The following GPC5 variants were observed in gnomAD, a reference collection of about 807,000 sequenced individuals.
The protein encoded by GPC5 is glypican-5.
Under a neutral mutation model 53.9 loss-of-function variants are expected in GPC5, and 47 were observed. That is an observed-to-expected ratio of 0.87 (90% confidence interval 0.69 to 1.11). The LOEUF (loss-of-function observed/expected upper bound fraction) is 1.11. GPC5 is among the 50% of genes most tolerant of loss of function. The pLI is 0.00. For missense variants in GPC5, 748 were observed against 713.1 expected (o/e 1.05, Z -0.56); for synonymous variants, 286 against 263.3 (o/e 1.09, Z -0.84).
intron 6 of GPC5, among the ~76,000 whole-genome samples, chr13:92,069,019 T>G (rs1566421451): frequency 6.6e-6 from 1 of 151,994 alleles, no homozygotes; most frequent in Non-Finnish European, 1.5e-5. Flanking sequence ...GATCTTACAT[T>G]TAGGTTTTCA....
chr13:92,266,517 C>T (rs2042803523), intron 7 of GPC5, among the ~76,000 whole-genome samples: 2 of 152,070 alleles, frequency 1.3e-5, no homozygotes, highest in Admixed American at 1.3e-4. Flanking sequence ...TCGGAGAATT[C>T]ACTGCTGAGT....
intron 2 of GPC5, among the ~76,000 whole-genome samples, chr13:91,686,589 T>C (rs2035627515): frequency 6.6e-6 from 1 of 151,958 alleles, no homozygotes; most frequent in Admixed American, 6.6e-5. Flanking sequence ...TATTTAAAAA[T>C]ATATATCTTC....
chr13:92,536,462 C>T (rs1881725719), intron 7 of GPC5, among the ~76,000 whole-genome samples: 1 of 152,064 alleles, frequency 6.6e-6, no homozygotes. Context: ...GAGATAGGCC[C>T]TCTCACCTCT....
At chr13:91,719,136 T>C (rs1711911591) in intron 3 of GPC5, among the ~76,000 whole-genome samples, 1 of 152,260 alleles carries the variant, frequency 6.6e-6, no homozygotes, top group South Asian at 2.1e-4. Flanking sequence ...TATGTCTATT[T>C]TGCAAATGTC....
intron 7 of GPC5, among the ~76,000 whole-genome samples, chr13:92,503,966 T>G (rs1299744459): frequency 1.3e-5 from 2 of 151,930 alleles, no homozygotes; most frequent in Non-Finnish European, 2.9e-5. Flanking sequence ...TTACTTTGTT[T>G]TGAAGATTGT....
intron 7 of GPC5, among the ~76,000 whole-genome samples, chr13:92,382,517 A>T (rs568833454): frequency 6.6e-6 from 1 of 151,290 alleles, no homozygotes; most frequent in East Asian, 2.0e-4. Context: ...TGAAAAGAGC[A>T]TATTCTTGGG....
chr13:92,793,858 C>T (rs1178902508), intron 7 of GPC5, among the ~76,000 whole-genome samples: 1 of 152,120 alleles, frequency 6.6e-6, no homozygotes, highest in Non-Finnish European at 1.5e-5. Flanking sequence ...CCTGAATAGA[C>T]CAATAACAGG....
chr13:91,835,019 G>A (rs1475195323), intron 5 of GPC5, among the ~76,000 whole-genome samples: 3 of 152,128 alleles, frequency 2.0e-5, no homozygotes, highest in Non-Finnish European at 4.4e-5. Flanking sequence ...CTAATATCCA[G>A]AATCTACAAA....
intron 6 of GPC5, among the ~76,000 whole-genome samples, chr13:91,929,814 T>TA (rs34395417): frequency 0.61 from 92,185 of 151,228 alleles, 28,618 homozygotes; most frequent in East Asian, 0.73. Context: ...GATTTTCTAT[T>TA]TTTTTTTTAT....
chr13:92,853,771 A>G (rs1483669255), intron 7 of GPC5, among the ~76,000 whole-genome samples: 3 of 152,168 alleles, frequency 2.0e-5, no homozygotes, highest in Non-Finnish European at 4.4e-5. Flanking sequence ...AAAATGAAAT[A>G]ATTCAAGAAC....
intron 6 of GPC5, among the ~76,000 whole-genome samples, chr13:92,028,770 A>C (rs1368353450): frequency 6.6e-6 from 1 of 152,182 alleles, no homozygotes; most frequent in East Asian, 1.9e-4. Context: ...TGGGAAAAAC[A>C]GAGCAAAATT....
At chr13:92,862,626 CAGATAGATAGATAGAT>C (rs369002690) in intron 7 of GPC5, among the ~76,000 whole-genome samples, 64 of 129,656 alleles carry the variant, frequency 4.9e-4, no homozygotes, top group African/African-American at 4.5e-4. Context: ...GATAGATAGA[CAGATAGATAGATAGAT>C]AGATAGATAG....
In GPC5 at chr13:91,571,910, A is replaced by G. The variant is rs377571991; in HGVS notation, c.326-121277A>G. Among the ~76,000 whole-genome samples the G allele has an allele frequency of 5.7e-3, 431 of 75,416 alleles. 60 individuals are homozygous for G. The highest frequency in any genetic ancestry group is 0.015 in the Admixed American group (111 of 7,296). The allele number at this position is 75,416 out of a possible 152,430, so 49.5% of individuals were successfully genotyped here. ...ACGTGTGTATATACACATATTGTATATATACACATATTGTATATATACACA... is the reference window on the plus strand; with the variant it reads ...ACGTGTGTATATACACATATTGTATGTATACACATATTGTATATATACACA... On this transcript the variant is annotated intron_variant, in intron 2 of 7. Transcript: ENST00000377067.
At position 92,716,594 on chromosome 13, in the gene GPC5, A is replaced by T. The variant is rs2139279293; in HGVS notation, c.1562-149688A>T. 2.0e-5 allele frequency among the ~76,000 whole-genome samples: 3 copies of T among 152,194 alleles called. No homozygotes were observed. In the South Asian group the frequency reaches 6.2e-4, roughly 32 times the overall value. On this transcript the variant is annotated intron_variant, in intron 7 of 7. Transcript: ENST00000377067. ...CAGCATAGCTCTATCCTGGTGCTTT[A>T]TAGTATCTGGCACAATGTATGTCTA...
chr13:92,519,020 AAG>A (rs1449218726), intron 7 of GPC5, among the ~76,000 whole-genome samples: 3 of 152,220 alleles, frequency 2.0e-5, no homozygotes, highest in African/African-American at 7.2e-5. Context: ...CAAAGATCAA[AAG>A]AGATAAAGAA....
chr13:92,800,408 A>G (rs926668089), intron 7 of GPC5, among the ~76,000 whole-genome samples: 6 of 151,828 alleles, frequency 4.0e-5, no homozygotes, highest in African/African-American at 1.4e-4. Flanking sequence ...CACTGCATTT[A>G]AGATGTTTAT....
intron 2 of GPC5, among the ~76,000 whole-genome samples, chr13:91,457,116 C>T (rs1041665922): frequency 3.3e-5 from 5 of 151,892 alleles, no homozygotes; most frequent in African/African-American, 1.2e-4. Context: ...TAAAATGTAT[C>T]TTGATGTATT....
At chr13:91,406,639 C>T (rs895442009) in intron 1 of GPC5, among the ~76,000 whole-genome samples, 2 of 152,198 alleles carry the variant, frequency 1.3e-5, no homozygotes. Flanking sequence ...AGTTCTCTGA[C>T]CCAGACACTT....
intron 5 of GPC5, among the ~76,000 whole-genome samples, chr13:91,813,920 ATTTTTTTTT>A (rs71113766): frequency 1.5e-4 from 11 of 72,640 alleles, no homozygotes; most frequent in Middle Eastern, 0.012. Flanking sequence ...ATCTTAACTG[ATTTTTTTTT>A]TTTTTTTTTT....
Sources: allele counts gnomAD v4.1 joint callset (sites outside exome capture counted in the v4.1 genomes callset), GRCh38; gene constraint gnomAD v4.1.1; transcripts MANE v1.5; gene names NCBI Gene and HGNC (gene_info 2026-07-23, HGNC 2026-07-21).